The following BCL2L1 variants were observed in gnomAD, a reference collection of about 807,000 sequenced individuals.
The protein encoded by BCL2L1 is bcl-2-like protein 1.
BCL2L1 carries 1 observed loss-of-function variant against 18.7 expected under a neutral mutation model. That is an observed-to-expected ratio of 0.05 (90% CI 0.02 to 0.25). The LOEUF (loss-of-function observed/expected upper bound fraction) is 0.25. Among genes scored for constraint, BCL2L1 ranks in the 10% least tolerant of loss-of-function variants. BCL2L1 has a pLI of 1.00. For synonymous variants in BCL2L1, 103 were observed against 122.7 expected, an observed-to-expected ratio of 0.84 and a Z score of 1.06; for missense variants, 207 against 304.9, an observed-to-expected ratio of 0.68 and a Z score of 2.39.
rs1312939254 is a variant in BCL2L1 at position 31,665,025 on chromosome 20, T to C, written c.*924A>G. The C allele has an allele frequency of 1.6e-5, 3 of 191,026 alleles. No homozygotes were observed. Among genetic ancestry groups the C allele is most frequent in the East Asian group, 8.2e-5 (1 of 12,198 alleles). 11.8% of individuals were successfully genotyped at this position (191,026 alleles called of 1,614,324 possible). On this transcript the variant is annotated 3_prime_UTR_variant, in exon 3 of 3. Transcript: ENST00000307677. ...GGTAGGGAAGACCCTGGGGCTCCCA[T>C]AGCTGTTCCTGATAGCTCCCTTTCA...
chr20:31,696,650 C>T (rs529076947), intron 2 of BCL2L1, among the ~76,000 whole-genome samples: 3 of 152,334 alleles, frequency 2.0e-5, no homozygotes, highest in South Asian at 2.1e-4. Context: ...TGCTGGCTAA[C>T]GCCTGTAATC....
intron 2 of BCL2L1, among the ~76,000 whole-genome samples, chr20:31,690,436 T>C (rs1236392655): frequency 1.3e-5 from 2 of 152,162 alleles, no homozygotes; most frequent in East Asian, 1.9e-4. Context: ...TGTACAAAAG[T>C]AGACAGAATA....
In BCL2L1 at chr20:31,722,307, A is replaced by G. The variant is rs940934659; in HGVS notation, c.-89T>C. 10 of 997,552 alleles carry G rather than the reference A, an allele frequency of 1.0e-5. No individual in the cohort carries two copies. Among genetic ancestry groups the G allele is most frequent in the Non-Finnish European group, 1.4e-5 (10 of 725,636 alleles). The allele number at this position is 997,552 out of a possible 1,614,324, so 61.8% of individuals were successfully genotyped here. ...CGTCTCTGGTTAGTGATTCTCTTCT[A>G]AGATCCAAAGCCAAGATAAGATTCT... On this transcript the variant is annotated 5_prime_UTR_variant, in exon 2 of 3. Coordinates refer to ENST00000307677, the MANE Select transcript of BCL2L1 (RefSeq NM_138578.3).
chr20:31,708,641 C>A (rs557872751), intron 2 of BCL2L1, among the ~76,000 whole-genome samples: 2 of 152,180 alleles, frequency 1.3e-5, no homozygotes, highest in Non-Finnish European at 2.9e-5. Flanking sequence ...CAGCTGTCAA[C>A]GGCTCCCAAT....
intron 2 of BCL2L1, among the ~76,000 whole-genome samples, chr20:31,670,448 T>C (rs1323786631): frequency 6.6e-6 from 1 of 152,152 alleles, no homozygotes; most frequent in Non-Finnish European, 1.5e-5. Context: ...ATGGGAACTT[T>C]CCTGAAGTAG....
At chr20:31,721,541 A>G in intron 2 of BCL2L1, 114 bp downstream of exon 2, 5 of 1,305,454 alleles carry the variant, frequency 3.8e-6, no homozygotes, top group East Asian at 2.4e-5. Context: ...TTCCTCAACT[A>G]TCAACGTCTC....
intron 2 of BCL2L1, among the ~76,000 whole-genome samples, chr20:31,678,151 T>C (rs764724596): frequency 6.6e-6 from 1 of 152,138 alleles, no homozygotes; most frequent in Non-Finnish European, 1.5e-5. Context: ...GGGGTAGCAA[T>C]CTCCAAAAAC....
At position 31,668,603 on chromosome 20, in the gene BCL2L1, CTT is replaced by C. The variant is rs1234488543; in HGVS notation, c.565-2519_565-2518del. Among the ~76,000 whole-genome samples, 49 of 126,970 alleles carry C rather than the reference CTT, an allele frequency of 3.9e-4. No individual in the cohort carries two copies. The East Asian group carries it at 5.2e-3, about 13-fold the overall frequency. The allele number at this position is 126,970 out of a possible 152,430, so 83.3% of individuals were successfully genotyped here. A position where few individuals can be genotyped will look rare whatever the true frequency, so the allele number is the denominator to read the frequency against. On this transcript the variant is annotated intron_variant, in intron 2 of 2. Transcript: ENST00000307677. ...ACAGGCACGAGCCACCATATCTGGC[CTT>C]TTTTTTTTTTTTTTTGGAGACAGAG...
At chr20:31,709,334 C>T (rs888579430) in intron 2 of BCL2L1, among the ~76,000 whole-genome samples, 14 of 152,048 alleles carry the variant, frequency 9.2e-5, no homozygotes, top group South Asian at 4.1e-4. Context: ...TGTGTGCGCG[C>T]GTGCACGCGT....
chr20:31,687,181 T>G (rs1333046792), intron 2 of BCL2L1, among the ~76,000 whole-genome samples: 2 of 151,996 alleles, frequency 1.3e-5, no homozygotes, highest in Admixed American at 6.6e-5. Context: ...CAAAACAAAC[T>G]ACACTGTACC....
Position 31,722,012 on chromosome 20 carries a change from A to G in BCL2L1, c.207T>C (p.Thr69=), listed in dbSNP as rs1437797332. The G allele has an allele frequency of 1.2e-6, 2 of 1,613,694 alleles. No homozygotes were observed. Among genetic ancestry groups the G allele is most frequent in the East Asian group, 2.2e-5 (1 of 44,864 alleles). Residue 69 remains threonine, a synonymous_variant, in exon 2 of 3, where the codon ACT becomes ACC. Transcript: ENST00000307677. ...GGGCATCCAAACTGCTGCTGTGGCCAGTGGCTCCATTCACCGCGGGGCTGT... is the reference window on the plus strand; with the variant it reads ...GGGCATCCAAACTGCTGCTGTGGCCGGTGGCTCCATTCACCGCGGGGCTGT... ...LADSPAVNGA[T]GHSSSLDARE...
chr20:31,707,778 CAAAAAAAA>C (rs553742099), intron 2 of BCL2L1, among the ~76,000 whole-genome samples: 1 of 60,888 alleles, frequency 1.6e-5, no homozygotes, highest in Non-Finnish European at 3.3e-5. Flanking sequence ...AACTCTGTCT[CAAAAAAAA>C]AAAAAAAAAA....
In BCL2L1 at chr20:31,670,727, A is replaced by G. The variant is rs967312165; in HGVS notation, c.565-4641T>C. Among the ~76,000 whole-genome samples the G allele has an allele frequency of 1.8e-4, 28 of 152,160 alleles. 1 individual carries two copies. Among genetic ancestry groups the G allele is most frequent in the African/African-American group, 6.5e-4 (27 of 41,506 alleles). On this transcript the variant is annotated intron_variant, in intron 2 of 2. Transcript: ENST00000307677. ...TTTCCAAGGGGTGTGGATTCTAAGG[A>G]TTGCTTTTGCGGAGACAGCATGAGC...
At chr20:31,698,338 G>T (rs2061217409) in intron 2 of BCL2L1, among the ~76,000 whole-genome samples, 1 of 152,100 alleles carries the variant, frequency 6.6e-6, no homozygotes, top group African/African-American at 2.4e-5. Context: ...GAACTCCCAG[G>T]CTCAAGTGAT....
chr20:31,698,792 AGCC>A (rs1219566521), intron 2 of BCL2L1, among the ~76,000 whole-genome samples: 1 of 152,150 alleles, frequency 6.6e-6, no homozygotes, highest in African/African-American at 2.4e-5. Flanking sequence ...TGCCTGCCTC[AGCC>A]TCCTAAAGTG....
intron 2 of BCL2L1, chr20:31,720,850 T>C: frequency 1.0e-6 from 1 of 985,422 alleles, no homozygotes; most frequent in Non-Finnish European, 1.2e-6. Context: ...CAGCAAACAG[T>C]GCTTGAAGAG....
chr20:31,682,783 A>G lies in BCL2L1; in HGVS notation c.565-16697T>C, dbSNP rs542778823. 6.6e-5 allele frequency among the ~76,000 whole-genome samples: 10 copies of G among 152,196 alleles called. No homozygotes were observed. In the South Asian group the frequency reaches 2.1e-3, roughly 32 times the overall value. On this transcript the variant is annotated intron_variant, in intron 2 of 2. Transcript: ENST00000307677. ...TTAACATTATTCTATCAATTTACTTACTTTTTATAAATTTAAATACATGTA... is the reference window on the plus strand; with the variant it reads ...TTAACATTATTCTATCAATTTACTTGCTTTTTATAAATTTAAATACATGTA...
Position 31,704,104 on chromosome 20 carries a change from C to CT in BCL2L1, c.564+17550dup, listed in dbSNP as rs59803981. Reference sequence around the variant, plus strand: ...TGAGCCACTGCACCCGGCCCTAAACCTTTTTTTTTTTTTTTTTGAGACGGA... The same window carrying CT: ...TGAGCCACTGCACCCGGCCCTAAACCTTTTTTTTTTTTTTTTTTGAGACGGA... On this transcript the variant is annotated intron_variant, in intron 2 of 2. Coordinates refer to ENST00000307677, the MANE Select transcript of BCL2L1 (RefSeq NM_138578.3). Among the ~76,000 whole-genome samples the CT allele has an allele frequency of 5.3e-3, 601 of 114,204 alleles. 8 individuals carry two copies. The highest frequency in any genetic ancestry group is 0.033 in the South Asian group (118 of 3,534). The allele number at this position is 114,204 out of a possible 152,430, so 74.9% of individuals were successfully genotyped here. A position where few individuals can be genotyped will look rare whatever the true frequency, so the allele number is the denominator to read the frequency against.
At chr20:31,680,122 A>G (rs149933593) in intron 2 of BCL2L1, among the ~76,000 whole-genome samples, 584 of 152,350 alleles carry the variant, frequency 3.8e-3, no homozygotes, top group Middle Eastern at 0.024. Context: ...AAATCTTGCA[A>G]GTAGGTGCTG....
Sources: allele counts gnomAD v4.1 joint callset (sites outside exome capture counted in the v4.1 genomes callset), GRCh38; gene constraint gnomAD v4.1.1; transcripts MANE v1.5; gene names NCBI Gene and HGNC (gene_info 2026-07-23, HGNC 2026-07-21).